The following PRKN variants were observed in gnomAD, a reference collection of about 807,000 sequenced individuals.
PRKN encodes the protein parkin RBR E3 ubiquitin protein ligase.
In PRKN, 56 loss-of-function variants were observed where a neutral mutation model predicts 59.5. The ratio of observed to expected loss-of-function variants is 0.94; its 90% CI spans 0.76 to 1.18. The LOEUF (loss-of-function observed/expected upper bound fraction) is 1.18, where lower values mean the gene tolerates loss of function less well. PRKN is among the 50% of genes most tolerant of loss of function. The pLI, the probability that PRKN is intolerant of heterozygous loss-of-function variation, is 0.00. For synonymous variants in PRKN, 250 were observed against 222.1 expected, an observed-to-expected ratio of 1.13 and a Z score of -1.12; for missense variants, 657 against 596.4, an observed-to-expected ratio of 1.10 and a Z score of -1.06.
At chr6:162,251,853 T>G (rs10945806) in intron 3 of PRKN, among the ~76,000 whole-genome samples, 14,042 of 152,222 alleles carry the variant, frequency 0.092, 886 homozygotes, top group South Asian at 0.26. Context: ...TTTCATTTTA[T>G]AGAACTGCCA....
rs139540102 is a variant in PRKN, at chr6:161,913,676, T to C, written c.734+59626A>G. On this transcript the variant is annotated intron_variant, in intron 6 of 11. Transcript: ENST00000366898. ...GCAATATAATTTCTAACAATATATCTTATAAACATGATATACTCAAGGATA... is the reference window on the plus strand; with the variant it reads ...GCAATATAATTTCTAACAATATATCCTATAAACATGATATACTCAAGGATA... 1.1e-3 allele frequency among the ~76,000 whole-genome samples: 173 copies of C among 152,334 alleles called. 1 individual carries two copies. The highest frequency in any genetic ancestry group is 3.9e-3 in the African/African-American group (164 of 41,572).
chr6:162,155,112 A>AC (rs1562546090), intron 4 of PRKN, among the ~76,000 whole-genome samples: 1 of 150,694 alleles, frequency 6.6e-6, no homozygotes. Flanking sequence ...CTAAAAAAAA[A>AC]AACAACAAAA....
At chr6:161,943,164 T>C (rs572590804) in intron 6 of PRKN, among the ~76,000 whole-genome samples, 2 of 152,366 alleles carry the variant, frequency 1.3e-5, no homozygotes, top group African/African-American at 4.8e-5. Context: ...GATTTTCCAT[T>C]AAATCCACTG....
At chr6:161,600,301 C>T (rs995944130) in intron 7 of PRKN, among the ~76,000 whole-genome samples, 4 of 152,142 alleles carry the variant, frequency 2.6e-5, no homozygotes, top group African/African-American at 4.8e-5. Flanking sequence ...CCTCTCTGAA[C>T]GGTCTTCCTT....
intron 1 of PRKN, among the ~76,000 whole-genome samples, chr6:162,541,081 T>G (rs535234711): frequency 5.6e-4 from 86 of 152,296 alleles, no homozygotes; most frequent in African/African-American, 1.9e-3. Context: ...TGGAGGCCTC[T>G]CTTCCCTGAT....
intron 1 of PRKN, among the ~76,000 whole-genome samples, chr6:162,631,039 T>C (rs2128222589): frequency 6.6e-6 from 1 of 152,310 alleles, no homozygotes; most frequent in African/African-American, 2.4e-5. Context: ...ATTCTCATCT[T>C]TTCCAAAGCT....
At chr6:161,814,539 G>T (rs1192845780) in intron 6 of PRKN, among the ~76,000 whole-genome samples, 2 of 152,082 alleles carry the variant, frequency 1.3e-5, no homozygotes, top group African/African-American at 4.8e-5. Context: ...TTTCACTCTT[G>T]TTGCCCAGGC....
At chr6:161,383,005 A>C (rs533229956) in intron 10 of PRKN, among the ~76,000 whole-genome samples, 2 of 152,242 alleles carry the variant, frequency 1.3e-5, no homozygotes, top group Non-Finnish European at 2.9e-5. Flanking sequence ...AGAAAGTGTG[A>C]AGAGGGCTGA....
chr6:162,543,347 G>A (rs772424195), intron 1 of PRKN, among the ~76,000 whole-genome samples: 11 of 151,994 alleles, frequency 7.2e-5, no homozygotes, highest in East Asian at 3.9e-4. Context: ...CAGTCACATC[G>A]GCAAAAAATT....
Position 161,401,884 on chromosome 6 carries a change from A to AT in PRKN, c.1084-15008_1084-15007insA, listed in dbSNP as rs1787066634. ...AGGAGAGAGAAGATGAGAGATCCAG[A>AT]GGTCTGAGATGTTTGTTCACACACC... is the stretch of plus-strand genomic sequence containing the variant. On this transcript the variant is annotated intron_variant, in intron 9 of 11. Transcript: ENST00000366898. The surrounding 1 kb of genome is among the most constrained non-coding windows in gnomAD (Gnocchi z 4.4). Among the ~76,000 whole-genome samples, 2 of 152,176 alleles carry AT rather than the reference A, an allele frequency of 1.3e-5. No homozygotes were observed. The highest frequency in any genetic ancestry group is 2.9e-5 in the Non-Finnish European group (2 of 68,040).
intron 7 of PRKN, among the ~76,000 whole-genome samples, chr6:161,636,266 G>A (rs996318904): frequency 6.6e-6 from 1 of 152,238 alleles, no homozygotes; most frequent in South Asian, 2.1e-4. Flanking sequence ...TGTGCAGGAT[G>A]TGCATATTTG....
intron 7 of PRKN, among the ~76,000 whole-genome samples, chr6:161,715,430 T>C (rs1455371537): frequency 6.6e-6 from 1 of 152,150 alleles, no homozygotes. Context: ...TTATTTTTGT[T>C]TATCTGTATG....
Position 162,494,777 on chromosome 6 carries a change from C to G in PRKN, c.8-51304G>C, listed in dbSNP as rs138711436. On this transcript the variant is annotated intron_variant, in intron 1 of 11. Coordinates refer to ENST00000366898, the MANE Select transcript of PRKN (RefSeq NM_004562.3). ...ATCCCAGTTACCCTGCTGAGAAAAT[C>G]TCTCTCATTTTTTCATAGCTGTAGA... 9.9e-4 allele frequency among the ~76,000 whole-genome samples: 151 copies of G among 152,250 alleles called. 1 individual carries two copies. Among genetic ancestry groups the G allele is most frequent in the African/African-American group, 3.4e-3 (142 of 41,556 alleles).
intron 1 of PRKN, among the ~76,000 whole-genome samples, chr6:162,453,941 G>C (rs930374172): frequency 6.6e-6 from 1 of 152,122 alleles, no homozygotes; most frequent in South Asian, 2.1e-4. Context: ...TAATAATAAG[G>C]GCAAAACTCT....
At position 162,171,926 on chromosome 6, in the gene PRKN, C is replaced by T. The variant is rs147126700; in HGVS notation, c.534+29205G>A. Among the ~76,000 whole-genome samples the T allele has an allele frequency of 2.1e-3, 326 of 152,244 alleles. 1 individual carries two copies. The highest frequency in any genetic ancestry group is 7.5e-3 in the African/African-American group (311 of 41,556). On this transcript the variant is annotated intron_variant, in intron 4 of 11. Transcript: ENST00000366898. ...TTTTGTTAAATCATTACTGATGATG[C>T]TGATGATAGCCTGCCACTACATAGC...
At chr6:162,379,641 G>T (rs1786318901) in intron 2 of PRKN, among the ~76,000 whole-genome samples, 1 of 152,106 alleles carries the variant, frequency 6.6e-6, no homozygotes, top group Non-Finnish European at 1.5e-5. Context: ...CCCGCCTCTG[G>T]CTGGTGAAGC....
chr6:162,514,420 G>A (rs1777759345), intron 1 of PRKN, among the ~76,000 whole-genome samples: 1 of 152,142 alleles, frequency 6.6e-6, no homozygotes, highest in Non-Finnish European at 1.5e-5. Flanking sequence ...ATAAATGACA[G>A]GCTCAATGCA....
chr6:162,328,605 GTGCTGAGC>G (rs1382859738), intron 2 of PRKN, among the ~76,000 whole-genome samples: 2 of 152,210 alleles, frequency 1.3e-5, no homozygotes, highest in African/African-American at 4.8e-5. Flanking sequence ...TATCTTATAA[GTGCTGAGC>G]TAGCAGCAGG....
At chr6:162,102,371 C>A (rs1780007765) in intron 4 of PRKN, among the ~76,000 whole-genome samples, 1 of 152,258 alleles carries the variant, frequency 6.6e-6, no homozygotes, top group African/African-American at 2.4e-5. Flanking sequence ...TTGGTCCTGG[C>A]TACATTTGCA....
Sources: gnomAD v4.1 joint callset for allele counts (sites outside exome capture counted in the v4.1 genomes callset) on GRCh38, gnomAD v4.1.1 for gene constraint, Gnocchi (gnomAD v3.1) non-coding constraint, MANE v1.5 for transcripts, NCBI Gene and HGNC (gene_info 2026-07-23, HGNC 2026-07-21) for gene names.